Variants in GUCY1A1 observed in about 807,000 individuals in gnomAD.
The protein encoded by GUCY1A1 is guanylate cyclase soluble subunit alpha-1.
A neutral mutation model predicts 64.5 loss-of-function variants in GUCY1A1; 48 were observed. The observed-to-expected ratio is 0.74, with a 90% CI of 0.59 to 0.95. The LOEUF (loss-of-function observed/expected upper bound fraction) is 0.95, where lower values mean the gene tolerates loss of function less well. Ranked by LOEUF, GUCY1A1 falls within the 40% of genes least tolerant of loss-of-function variation. The pLI, the probability that GUCY1A1 is intolerant of heterozygous loss-of-function variation, is 0.00. For missense variants in GUCY1A1, 804 were observed against 825.3 expected, an observed-to-expected ratio of 0.97 and a Z score of 0.32; for synonymous variants, 308 against 303.4, an observed-to-expected ratio of 1.02 and a Z score of -0.16.
chr4:155,708,124 G>A lies in GUCY1A1; in HGVS notation c.318-112G>A, dbSNP rs76314261. 7,721 of 592,120 alleles carry A rather than the reference G, an allele frequency of 0.013. 520 individuals carry two copies. The Admixed American group carries it at 0.14, about 11-fold the overall frequency. 36.7% of individuals were successfully genotyped at this position (592,120 alleles called of 1,614,324 possible). ...AGTGCTGGGATTACAGGCGTGAGCC[G>A]CTGTGCCTGGCCTAATTTAAACTAT... On this transcript the variant is annotated intron_variant, in intron 4 of 9. Transcript: ENST00000506455.
chr4:155,697,012 G>A lies in GUCY1A1; in HGVS notation c.145G>A (p.Asp49Asn). The change falls in exon 3 of 10, where the codon GAC becomes AAC. Residue 49 changes from aspartate to asparagine, a missense_variant. Coordinates refer to ENST00000506455, the MANE Select transcript of GUCY1A1 (RefSeq NM_001130682.3). ...SCKATVPICQ[D>N]IPEKNIQESL... Reference sequence around the variant, plus strand: ...CAAAGCAACCGTGCCCATCTGTCAAGACATTCCTGAGAAGAACATACAAGA... The same window carrying A: ...CAAAGCAACCGTGCCCATCTGTCAAAACATTCCTGAGAAGAACATACAAGA... 6.2e-7 allele frequency: 1 copy of A among 1,613,648 alleles called. No individual in the cohort carries two copies. The highest frequency in any genetic ancestry group is 8.5e-7 in the Non-Finnish European group (1 of 1,179,614).
chr4:155,691,908 A>G (rs552845958), intron 2 of GUCY1A1, among the ~76,000 whole-genome samples: 2 of 152,194 alleles, frequency 1.3e-5, no homozygotes, highest in African/African-American at 4.8e-5. Context: ...TAAGCCTAGT[A>G]CCCATTAGTT....
chr4:155,722,478 T>A, intron 9 of GUCY1A1: 1 of 1,155,942 alleles, frequency 8.7e-7, no homozygotes, highest in African/African-American at 1.6e-5. Flanking sequence ...ACTCTTAGTA[T>A]GTTGATAGGT....
At chr4:155,693,571 A>G (rs751649212) in intron 2 of GUCY1A1, among the ~76,000 whole-genome samples, 1 of 152,138 alleles carries the variant, frequency 6.6e-6, no homozygotes, top group Admixed American at 6.5e-5. Flanking sequence ...CAAGGTATCA[A>G]CACTGCGTGC....
intron 8 of GUCY1A1, among the ~76,000 whole-genome samples, chr4:155,720,149 G>C (rs894909130): frequency 6.6e-6 from 1 of 152,058 alleles, no homozygotes; most frequent in Non-Finnish European, 1.5e-5. Flanking sequence ...TTTACGAGCA[G>C]AATATATTTA....
intron 2 of GUCY1A1, among the ~76,000 whole-genome samples, chr4:155,673,151 C>CT (rs1007701173): frequency 2.6e-5 from 4 of 151,232 alleles, no homozygotes; most frequent in Admixed American, 1.3e-4. Flanking sequence ...GACATTTTTT[C>CT]TTTTTTTTAT....
Position 155,696,940 on chromosome 4 carries a change from G to C in GUCY1A1, c.73G>C (p.Val25Leu). 6.2e-7 allele frequency: 1 copy of C among 1,613,396 alleles called. No homozygotes were observed. The part of the protein sequence containing the change: ...CPFSLLAPGQ[V>L]PNESSEEAAG... Reference sequence around the variant, plus strand: ...TTTCTCCTTACTGGCACCAGGTCAAGTTCCTAACGAGTCTTCAGAGGAGGC... The same window carrying C: ...TTTCTCCTTACTGGCACCAGGTCAACTTCCTAACGAGTCTTCAGAGGAGGC... Residue 25 changes from valine to leucine, a missense_variant, in exon 3 of 10, where the codon GTT (valine) becomes CTT (leucine). By Grantham distance (32) the Val-to-Leu change is conservative. Transcript: ENST00000506455.
intron 2 of GUCY1A1, among the ~76,000 whole-genome samples, chr4:155,678,643 AC>A (rs1353445825): frequency 6.6e-6 from 1 of 152,360 alleles, no homozygotes; most frequent in Admixed American, 6.5e-5. Flanking sequence ...GAGGGTTCAC[AC>A]TTTTACTTAC....
intron 2 of GUCY1A1, among the ~76,000 whole-genome samples, chr4:155,681,354 G>T (rs959658282): frequency 2.0e-5 from 3 of 152,050 alleles, no homozygotes; most frequent in African/African-American, 7.2e-5. Flanking sequence ...ACAAATATAG[G>T]TAACAAAAGA....
At chr4:155,705,588 A>T (rs1472807502) in intron 4 of GUCY1A1, among the ~76,000 whole-genome samples, 1 of 152,074 alleles carries the variant, frequency 6.6e-6, no homozygotes, top group Non-Finnish European at 1.5e-5. Context: ...GATTCCCTGA[A>T]ATTTCAAGGT....
chr4:155,697,267 T>C, intron 3 of GUCY1A1, 145 bp downstream of exon 3: 1 of 654,726 alleles, frequency 1.5e-6, no homozygotes, highest in Non-Finnish European at 2.7e-6. Flanking sequence ...ATAAAAATAT[T>C]CTTTTAAAGC....
chr4:155,710,995 T>G lies in GUCY1A1; in HGVS notation c.830T>G (p.Ile277Ser). 6.2e-7 allele frequency: 1 copy of G among 1,613,718 alleles called. No individual in the cohort carries two copies. The change falls in exon 6 of 10, where the codon ATT becomes AGT. Residue 277 changes from isoleucine (I) to serine (S), a missense_variant. By Grantham distance (142) the Ile-to-Ser change is moderately radical. Transcript: ENST00000506455. The stretch of plus-strand genomic sequence containing the variant: ...AGCAAACCCCAGTCCTCGCTGGTGA[T>G]TCCCACATCGCTATTCTGCAAGACA... ...SPSKPQSSLV[I>S]PTSLFCKTFP...
In GUCY1A1 at chr4:155,732,138, A is replaced by G. The variant is rs1735622366; in HGVS notation, c.*1907A>G. ...TGATCAAACATTTCAGCAGACCTCAATTTGCTTACAATCTGTACTCAAAAA... is the reference window on the plus strand; with the variant it reads ...TGATCAAACATTTCAGCAGACCTCAGTTTGCTTACAATCTGTACTCAAAAA... On this transcript the variant is annotated 3_prime_UTR_variant, in exon 10 of 10. Coordinates refer to ENST00000506455, the MANE Select transcript of GUCY1A1 (RefSeq NM_001130682.3). The G allele has an allele frequency of 6.6e-6, 1 of 151,842 alleles. No individual in the cohort carries two copies. The highest frequency in any genetic ancestry group is 1.5e-5 in the Non-Finnish European group (1 of 67,870). The allele number at this position is 151,842 out of a possible 1,614,324, so 9.4% of individuals were successfully genotyped here.
intron 9 of GUCY1A1, 114 bp downstream of exon 9, chr4:155,722,306 A>G: frequency 6.8e-7 from 1 of 1,466,532 alleles, no homozygotes. Context: ...GTCGTAAGGA[A>G]AAAAGAAACG....
chr4:155,689,098 A>G (rs1280428091), intron 2 of GUCY1A1, among the ~76,000 whole-genome samples: 1 of 150,878 alleles, frequency 6.6e-6, no homozygotes, highest in Non-Finnish European at 1.5e-5. Flanking sequence ...TTATTTCCCT[A>G]GCGATAGATG....
intron 2 of GUCY1A1, among the ~76,000 whole-genome samples, chr4:155,679,833 C>A (rs1039641036): frequency 6.6e-6 from 1 of 152,136 alleles, no homozygotes; most frequent in Non-Finnish European, 1.5e-5. Flanking sequence ...TATTAAAAAA[C>A]AAACAAACAT....
intron 8 of GUCY1A1, among the ~76,000 whole-genome samples, chr4:155,719,731 GC>G (rs1691938205): frequency 6.6e-6 from 1 of 152,142 alleles, no homozygotes; most frequent in Non-Finnish European, 1.5e-5. Context: ...AGACCAGTGG[GC>G]TGAGTGTAAC....
At chr4:155,679,512 GGA>G (rs1488340683) in intron 2 of GUCY1A1, among the ~76,000 whole-genome samples, 14 of 152,160 alleles carry the variant, frequency 9.2e-5, no homozygotes, top group African/African-American at 3.1e-4. Flanking sequence ...AGGAAGCGAG[GGA>G]GAGAGAGAGG....
chr4:155,727,625 T>G (rs1045635306), intron 9 of GUCY1A1, among the ~76,000 whole-genome samples: 1 of 151,764 alleles, frequency 6.6e-6, no homozygotes, highest in Non-Finnish European at 1.5e-5. Context: ...TTTTTATTTA[T>G]TAGACTCTTA....
Sources: gnomAD v4.1 joint callset for allele counts (sites outside exome capture counted in the v4.1 genomes callset) on GRCh38, gnomAD v4.1.1 for gene constraint, MANE v1.5 for transcripts, NCBI Gene and HGNC (gene_info 2026-07-23, HGNC 2026-07-21) for gene names.